The following ERCC8 variants were observed in gnomAD, a reference collection of about 807,000 sequenced individuals.
The protein encoded by ERCC8 is ERCC excision repair 8, CSA ubiquitin ligase complex subunit.
Under a neutral mutation model 54.9 loss-of-function variants are expected in ERCC8, and 52 were observed. The ratio of observed to expected loss-of-function variants is 0.95; its 90% CI spans 0.76 to 1.19. The LOEUF is 1.19. ERCC8 is among the 50% of genes most tolerant of loss of function. The pLI, the probability that ERCC8 is intolerant of heterozygous loss-of-function variation, is 0.00. For missense variants in ERCC8, 514 were observed against 466.1 expected (o/e 1.10, Z -0.95); for synonymous variants, 146 against 157.2 (o/e 0.93, Z 0.53).
At chr5:60,876,361 G>C (rs1748007632) in intron 11 of ERCC8, among the ~76,000 whole-genome samples, 1 of 152,158 alleles carries the variant, frequency 6.6e-6, no homozygotes, top group Non-Finnish European at 1.5e-5. Flanking sequence ...TGTCTTTATA[G>C]CAGCATGTTT....
intron 2 of ERCC8, among the ~76,000 whole-genome samples, chr5:60,925,912 C>T (rs1749734415): frequency 6.6e-6 from 1 of 152,136 alleles, no homozygotes; most frequent in Non-Finnish European, 1.5e-5. Flanking sequence ...CAACCTCTGC[C>T]TCCCAGGTTC....
chr5:60,888,634 A>T (rs1325558692), intron 10 of ERCC8, among the ~76,000 whole-genome samples: 1 of 152,224 alleles, frequency 6.6e-6, no homozygotes, highest in Non-Finnish European at 1.5e-5. Context: ...TAAGCCTTGA[A>T]GTATCTGTGA....
At chr5:60,903,361 G>GCATT (rs1748955566) in intron 6 of ERCC8, 1 of 362,472 alleles carries the variant, frequency 2.8e-6, no homozygotes, top group Non-Finnish European at 5.1e-6. Context: ...ACACTGATGT[G>GCATT]AGTTGCATTA....
At chr5:60,943,491 ATGGGTGATTGGTCACTG>A (rs1187401035) in intron 1 of ERCC8, among the ~76,000 whole-genome samples, 1 of 152,184 alleles carries the variant, frequency 6.6e-6, no homozygotes, top group Non-Finnish European at 1.5e-5. Context: ...TTCAAAGTCT[ATGGGTGATTGGTCACTG>A]TGCATCTGTT....
intron 1 of ERCC8, among the ~76,000 whole-genome samples, chr5:60,935,949 G>T (rs1054740571): frequency 1.3e-5 from 2 of 152,116 alleles, no homozygotes; most frequent in Non-Finnish European, 2.9e-5. Context: ...CAAGTATTTT[G>T]TTGGGGGTTT....
chr5:60,941,036 T>C (rs1204480709), intron 1 of ERCC8, among the ~76,000 whole-genome samples: 3 of 152,104 alleles, frequency 2.0e-5, no homozygotes, highest in East Asian at 1.9e-4. Flanking sequence ...TGAGCAACAC[T>C]GGCATGGTGG....
rs1344369103 is a variant in ERCC8, at chr5:60,872,547, T to C, written c.*2068A>G. ...CAGATATATGAAAAAATTATCAACA[T>C]CAGCAGTCACCAGGGAAATGCAAAT... On this transcript the variant is annotated 3_prime_UTR_variant, in exon 12 of 12. Coordinates refer to ENST00000676185, the MANE Select transcript of ERCC8 (RefSeq NM_000082.4). Among the ~76,000 whole-genome samples, 2 of 152,044 alleles carry C rather than the reference T, an allele frequency of 1.3e-5. No homozygotes were observed. Among genetic ancestry groups the C allele is most frequent in the Admixed American group, 1.3e-4 (2 of 15,260 alleles).
rs573786611 is a variant in ERCC8 at position 60,918,157 on chromosome 5, T to C, written c.399+108A>G. The C allele has an allele frequency of 2.5e-5, 22 of 895,386 alleles. No homozygotes were observed. The Admixed American group carries it at 2.5e-4, about 10-fold the overall frequency. 55.5% of individuals were successfully genotyped at this position (895,386 alleles called of 1,614,324 possible). On this transcript the variant is annotated intron_variant, in intron 4 of 11. Coordinates refer to ENST00000676185, the MANE Select transcript of ERCC8 (RefSeq NM_000082.4). ...GCTCTTCTTAACCACTGTACTGCTT[T>C]CACATCTAACATATATGACATCTCA...
rs1747936021 is a variant in ERCC8 at position 60,874,429 on chromosome 5, T to G, written c.*186A>C. ...CTGGGATCAAGGAACACATTTTGAC[T>G]AAATAAACTATACAGAAGTCTGTTT... On this transcript the variant is annotated 3_prime_UTR_variant, in exon 12 of 12. Transcript: ENST00000676185. The G allele has an allele frequency of 3.4e-6, 2 of 589,596 alleles. No homozygotes were observed. Among genetic ancestry groups the G allele is most frequent in the Non-Finnish European group, 6.0e-6 (2 of 334,190 alleles). 36.5% of individuals were successfully genotyped at this position (589,596 alleles called of 1,614,324 possible).
intron 4 of ERCC8, among the ~76,000 whole-genome samples, chr5:60,912,783 TGA>T (rs1749309851): frequency 6.6e-6 from 1 of 152,120 alleles, no homozygotes; most frequent in African/African-American, 2.4e-5. Context: ...CCTAGTTTAT[TGA>T]GAGTTTTTGG....
chr5:60,892,697 G>T, intron 9 of ERCC8: 1 of 680,232 alleles, frequency 1.5e-6, no homozygotes, highest in East Asian at 2.6e-5. Context: ...GTCTCTAGAT[G>T]TGGATGCAGT....
At chr5:60,939,978 C>A (rs1750210121) in intron 1 of ERCC8, among the ~76,000 whole-genome samples, 1 of 151,978 alleles carries the variant, frequency 6.6e-6, no homozygotes, top group Non-Finnish European at 1.5e-5. Context: ...TTCAGTGAGC[C>A]CTTTGAGTCT....
At chr5:60,923,495 C>A (rs1024297406) in intron 2 of ERCC8, among the ~76,000 whole-genome samples, 5 of 151,716 alleles carry the variant, frequency 3.3e-5, no homozygotes, top group African/African-American at 1.2e-4. Context: ...TCCCTAAAAG[C>A]CATAATGTTT....
intron 2 of ERCC8, among the ~76,000 whole-genome samples, chr5:60,922,851 C>T (rs1749639681): frequency 6.6e-6 from 1 of 152,124 alleles, no homozygotes; most frequent in Non-Finnish European, 1.5e-5. Flanking sequence ...CATAATCACA[C>T]AAATTATTAG....
intron 7 of ERCC8, among the ~76,000 whole-genome samples, chr5:60,900,182 G>GT (rs1748835175): frequency 6.6e-6 from 1 of 152,046 alleles, no homozygotes; most frequent in South Asian, 2.1e-4. Context: ...ATAAAAAACG[G>GT]TAAGTGTAAG....
chr5:60,875,079 A>G (rs1157141862), intron 11 of ERCC8, among the ~76,000 whole-genome samples: 1 of 152,212 alleles, frequency 6.6e-6, no homozygotes, highest in East Asian at 1.9e-4. Flanking sequence ...GTCTGACCTG[A>G]CAGCCCAAAA....
Position 60,894,937 on chromosome 5 carries a change from G to A in ERCC8, c.843+3339C>T, listed in dbSNP as rs117098869. On this transcript the variant is annotated intron_variant, in intron 9 of 11. Transcript: ENST00000676185. ...CGTAATCCCAGCAGTTTGGGAGGCC[G>A]AGGCAGGCGGATCACAAGATCAGGA... Among the ~76,000 whole-genome samples, 2,013 of 152,132 alleles carry A rather than the reference G, an allele frequency of 0.013. 110 individuals are homozygous for A. In the East Asian group the frequency reaches 0.18, roughly 14 times the overall value.
In ERCC8 at chr5:60,928,933, T is replaced by C; in HGVS notation, c.104A>G (p.Asp35Gly). ...RRVLGLELNK[D>G]RDVERIHGGG... ...GCCGTGGATTCTTTCAACATCTCTG[T>C]CTTTATTTAATTCCAGTCCCAAAAC... The change falls in exon 2 of 12, where the codon GAC becomes GGC. Residue 35 changes from aspartate (D) to glycine (G), a missense_variant. Coordinates refer to ENST00000676185, the MANE Select transcript of ERCC8 (RefSeq NM_000082.4). 1 of 1,606,498 alleles carries C rather than the reference T, an allele frequency of 6.2e-7. No individual in the cohort carries two copies. Among genetic ancestry groups the C allele is most frequent in the Non-Finnish European group, 8.5e-7 (1 of 1,174,220 alleles).
At chr5:60,932,621 C>T (rs753471848) in intron 1 of ERCC8, among the ~76,000 whole-genome samples, 1 of 152,212 alleles carries the variant, frequency 6.6e-6, no homozygotes, top group Non-Finnish European at 1.5e-5. Flanking sequence ...GCCTGGTTTC[C>T]TCCACACTTT....
Sources: gnomAD v4.1 joint callset for allele counts (sites outside exome capture counted in the v4.1 genomes callset) on GRCh38, gnomAD v4.1.1 for gene constraint, MANE v1.5 for transcripts, NCBI Gene and HGNC (gene_info 2026-07-23, HGNC 2026-07-21) for gene names.